Variants in TSGA10 observed in about 807,000 individuals in gnomAD.
TSGA10 encodes testis-specific gene 10 protein.
In TSGA10, 43 loss-of-function variants were observed where a neutral mutation model predicts 96.6. The observed-to-expected ratio is 0.44, with a 90% confidence interval of 0.35 to 0.57. TSGA10 has a LOEUF of 0.57. Among genes scored for constraint, TSGA10 ranks in the 20% least tolerant of loss-of-function variants. TSGA10 has a pLI of 0.01. For synonymous variants in TSGA10, 229 were observed against 269.9 expected, an observed-to-expected ratio of 0.85 and a Z score of 1.48; for missense variants, 703 against 834.4, an observed-to-expected ratio of 0.84 and a Z score of 1.94.
chr2:99,059,204 CCTA>C (rs1178281749), intron 16 of TSGA10, among the ~76,000 whole-genome samples: 1 of 150,942 alleles, frequency 6.6e-6, no homozygotes, highest in African/African-American at 2.4e-5. Context: ...ACCACCATGA[CCTA>C]CTATCCAGGA....
At chr2:99,044,894 C>T (rs994112188) in intron 16 of TSGA10, among the ~76,000 whole-genome samples, 13 of 152,150 alleles carry the variant, frequency 8.5e-5, no homozygotes, top group Admixed American at 5.2e-4. Context: ...AACCGCACAA[C>T]TACATGGAAA....
In TSGA10 at chr2:99,064,929, C is replaced by T. The variant is rs780794782; in HGVS notation, c.1404+10G>A. 1.2e-5 allele frequency: 19 copies of T among 1,562,172 alleles called. No homozygotes were observed. Among genetic ancestry groups the T allele is most frequent in the South Asian group, 3.7e-5 (3 of 81,086 alleles). On this transcript the variant is annotated intron_variant, in intron 16 of 20. Coordinates refer to ENST00000393483, the MANE Select transcript of TSGA10 (RefSeq NM_025244.4). Reference sequence around the variant, plus strand: ...CAGGATGTATTATAAGCATATTTTTCCAAACTTACTTGCTCAACCTCTCTG... The same window carrying T: ...CAGGATGTATTATAAGCATATTTTTTCAAACTTACTTGCTCAACCTCTCTG...
intron 16 of TSGA10, among the ~76,000 whole-genome samples, chr2:99,053,067 TTAAA>T (rs1289598888): frequency 1.3e-5 from 2 of 151,808 alleles, no homozygotes; most frequent in East Asian, 3.9e-4. Flanking sequence ...GTCTCAAAGA[TTAAA>T]TAAATAAATA....
At chr2:99,117,414 T>C (rs559246202) in intron 4 of TSGA10, 130 bp downstream of exon 4, 8 of 280,976 alleles carry the variant, frequency 2.8e-5, no homozygotes, top group African/African-American at 1.6e-4. Flanking sequence ...AGAACAGACA[T>C]TTAAATATAC....
At chr2:99,119,036 C>G (rs1042493736) in intron 2 of TSGA10, among the ~76,000 whole-genome samples, 1 of 152,098 alleles carries the variant, frequency 6.6e-6, no homozygotes. Flanking sequence ...TAAGGAGCAT[C>G]TGAAATTGCT....
In TSGA10 at chr2:99,081,472, A is replaced by C. The variant is rs1299536723; in HGVS notation, c.612-75T>G. ...TCTTGTAGTGTGTTTAAATCTAAAA[A>C]CTTTTAAGGACACTAATATATTTAT... On this transcript the variant is annotated intron_variant, in intron 10 of 20. Coordinates refer to ENST00000393483, the MANE Select transcript of TSGA10 (RefSeq NM_025244.4). 5.1e-6 allele frequency: 3 copies of C among 584,474 alleles called. No individual in the cohort carries two copies. The African/African-American group carries it at 5.7e-5, about 11-fold the overall frequency. 36.2% of individuals were successfully genotyped at this position (584,474 alleles called of 1,614,324 possible). A position where few individuals can be genotyped will look rare whatever the true frequency, so the allele number is the denominator to read the frequency against.
chr2:99,043,653 G>C (rs2082433815), intron 16 of TSGA10, among the ~76,000 whole-genome samples: 1 of 152,140 alleles, frequency 6.6e-6, no homozygotes, highest in Admixed American at 6.6e-5. Flanking sequence ...CTTGTCAATT[G>C]CACAGGAACT....
chr2:99,138,099 A>G (rs917724020), intron 1 of TSGA10, among the ~76,000 whole-genome samples: 1 of 152,312 alleles, frequency 6.6e-6, no homozygotes, highest in East Asian at 1.9e-4. Context: ...CTTATATGTT[A>G]TTTCATTATA....
chr2:99,047,949 C>T (rs2082968560), intron 16 of TSGA10, among the ~76,000 whole-genome samples: 1 of 152,170 alleles, frequency 6.6e-6, no homozygotes, highest in Non-Finnish European at 1.5e-5. Flanking sequence ...AGGGCTAAAT[C>T]ATGAGTGAAC....
Position 99,020,326 on chromosome 2 carries a change from C to T in TSGA10, c.1771G>A (p.Glu591Lys). 1 of 1,613,816 alleles carries T rather than the reference C, an allele frequency of 6.2e-7. No individual in the cohort carries two copies. The change falls in exon 18 of 21, where the codon GAA becomes AAA. Residue 591 changes from glutamate (E) to lysine (K), a missense_variant. By Grantham distance (56) the Glu-to-Lys change is moderately conservative (BLOSUM62 1). Around this residue, in one of 3 missense-constraint regions of TSGA10, gnomAD observed 49 missense variants for 96.4 expected, o/e 0.51. Coordinates refer to ENST00000393483, the MANE Select transcript of TSGA10 (RefSeq NM_025244.4). ...AGGTGTTCTTTAAGAAGCTGAATTTCAGATTCTTTTTCTTGAAGTGCTATC... is the reference window on the plus strand; with the variant it reads ...AGGTGTTCTTTAAGAAGCTGAATTTTAGATTCTTTTTCTTGAAGTGCTATC... Reference protein sequence around the residue: ...SQIALQEKESEIQLLKEHLCL... With the variant: ...SQIALQEKESKIQLLKEHLCL...
At chr2:99,033,585 G>C (rs926137690) in intron 17 of TSGA10, among the ~76,000 whole-genome samples, 3 of 152,206 alleles carry the variant, frequency 2.0e-5, no homozygotes, top group African/African-American at 7.2e-5. Flanking sequence ...CTAAACTGCT[G>C]TAATCCCAGC....
chr2:99,055,860 CAAAAAAAAAAA>C (rs59969222), intron 16 of TSGA10, among the ~76,000 whole-genome samples: 1 of 90,814 alleles, frequency 1.1e-5, no homozygotes, highest in South Asian at 3.8e-4. Flanking sequence ...ATCCAATTAA[CAAAAAAAAAAA>C]AAAAAAAAGG....
At chr2:99,068,861 G>T in intron 15 of TSGA10, 27 bp downstream of exon 15, 2 of 1,185,952 alleles carry the variant, frequency 1.7e-6, no homozygotes, top group Non-Finnish European at 1.1e-6. Flanking sequence ...TAAGTATCAT[G>T]AGCAAAAAGA....
chr2:99,147,235 A>G (rs979971259), intron 1 of TSGA10: 5 of 465,768 alleles, frequency 1.1e-5, no homozygotes, highest in African/African-American at 7.9e-5. Flanking sequence ...TGCTGGACTC[A>G]AGAGATCTTT....
At chr2:99,085,721 G>A (rs1158649536) in intron 10 of TSGA10, among the ~76,000 whole-genome samples, 1 of 140,372 alleles carries the variant, frequency 7.1e-6, no homozygotes, top group Non-Finnish European at 1.5e-5. Flanking sequence ...AAGGAAAAAA[G>A]TTACAAATAA....
intron 2 of TSGA10, among the ~76,000 whole-genome samples, chr2:99,123,379 A>AT (rs1227990328): frequency 6.6e-6 from 1 of 151,668 alleles, no homozygotes; most frequent in Non-Finnish European, 1.5e-5. Context: ...CTCTATTCAA[A>AT]TTTTTTTCCA....
At chr2:99,018,463 T>A (rs187985598) in intron 19 of TSGA10, 73 bp downstream of exon 19, 5 of 1,567,144 alleles carry the variant, frequency 3.2e-6, no homozygotes, top group Admixed American at 1.9e-5. Flanking sequence ...AACTAAAACC[T>A]CTTGTTACCT....
chr2:99,140,922 T>G, intron 1 of TSGA10: 2 of 348,070 alleles, frequency 5.7e-6, no homozygotes, highest in Non-Finnish European at 9.9e-6. Context: ...CCGGCAGCTG[T>G]GCCCGCCGCT....
chr2:99,012,032 C>A (rs1336772698), intron 20 of TSGA10, among the ~76,000 whole-genome samples: 2 of 152,156 alleles, frequency 1.3e-5, no homozygotes, highest in Admixed American at 1.3e-4. Context: ...GGGGTCCCAT[C>A]TTTAGCCTTA....
Sources: gnomAD v4.1 joint callset for allele counts (sites outside exome capture counted in the v4.1 genomes callset) on GRCh38, gnomAD v4.1.1 for gene constraint, gnomAD v4.1.1 regional missense constraint, MANE v1.5 for transcripts, NCBI Gene and HGNC (gene_info 2026-07-23, HGNC 2026-07-21) for gene names.